Variants in PTPN9 observed in about 807,000 individuals in gnomAD.
The protein encoded by PTPN9 is tyrosine-protein phosphatase non-receptor type 9.
In PTPN9, 26 loss-of-function variants were observed where a neutral mutation model predicts 69.8. The observed-to-expected ratio is 0.37, with a 90% confidence interval of 0.27 to 0.52. The LOEUF (loss-of-function observed/expected upper bound fraction) is 0.52, where lower values mean the gene tolerates loss of function less well. PTPN9 is among the 20% of genes least tolerant of loss of function. PTPN9 has a pLI of 0.91. For missense variants in PTPN9, 549 were observed against 740.3 expected, an observed-to-expected ratio of 0.74 and a Z score of 3.00; for synonymous variants, 274 against 272.5, an observed-to-expected ratio of 1.01 and a Z score of -0.05.
Position 75,468,598 on chromosome 15 carries a change from C to A in PTPN9, c.*171G>T. On this transcript the variant is annotated 3_prime_UTR_variant, in exon 13 of 13. Coordinates refer to ENST00000618819, the MANE Select transcript of PTPN9 (RefSeq NM_002833.4). The stretch of plus-strand genomic sequence containing the variant: ...TGGCCCTTTCTAGTGGCAATTTCAC[C>A]ACATTTATCTAGCCAAAGGGAAAGG... 1 of 575,346 alleles carries A rather than the reference C, an allele frequency of 1.7e-6. No individual in the cohort carries two copies. The highest frequency in any genetic ancestry group is 2.8e-5 in the East Asian group (1 of 36,082). 35.6% of individuals were successfully genotyped at this position (575,346 alleles called of 1,614,324 possible).
rs189035833 is a variant in PTPN9 at position 75,562,269 on chromosome 15, C to T, written c.63+16445G>A. ...ATTAAATCATATAATTTCTGTCATA[C>T]GTAAATGTACATTAAACAGTGACAT... On this transcript the variant is annotated intron_variant, in intron 1 of 12. Coordinates refer to ENST00000618819, the MANE Select transcript of PTPN9 (RefSeq NM_002833.4). Among the ~76,000 whole-genome samples, 19 of 152,266 alleles carry T rather than the reference C, an allele frequency of 1.2e-4. 1 individual carries two copies. In the East Asian group the frequency reaches 3.1e-3, roughly 25 times the overall value.
At chr15:75,477,797 A>AT (rs543648807) in intron 9 of PTPN9, among the ~76,000 whole-genome samples, 1 of 132,570 alleles carries the variant, frequency 7.5e-6, no homozygotes, top group African/African-American at 2.8e-5. Flanking sequence ...TCTTCAATAG[A>AT]TTTTTTTCTC....
intron 1 of PTPN9, among the ~76,000 whole-genome samples, chr15:75,553,431 T>C (rs1250654383): frequency 6.6e-6 from 1 of 152,090 alleles, no homozygotes; most frequent in African/African-American, 2.4e-5. Flanking sequence ...TTTAAGAGGG[T>C]CACCGGCAAA....
intron 1 of PTPN9, among the ~76,000 whole-genome samples, chr15:75,535,186 C>CG (rs1487061474): frequency 2.6e-5 from 4 of 151,794 alleles, no homozygotes; most frequent in African/African-American, 9.7e-5. Flanking sequence ...TTAGTAGAGA[C>CG]GGGGTTTCAC....
chr15:75,502,303 C>T (rs1240507354), intron 7 of PTPN9, among the ~76,000 whole-genome samples: 2 of 151,880 alleles, frequency 1.3e-5, no homozygotes, highest in African/African-American at 4.8e-5. Flanking sequence ...AAAAATTAGC[C>T]AGGCATGGTG....
chr15:75,573,008 C>CAT (rs1200111143), intron 1 of PTPN9, among the ~76,000 whole-genome samples: 1 of 152,154 alleles, frequency 6.6e-6, no homozygotes, highest in Non-Finnish European at 1.5e-5. Flanking sequence ...AAACCAAACA[C>CAT]ATATATCAAT....
chr15:75,543,082 G>A (rs1373868969), intron 1 of PTPN9, among the ~76,000 whole-genome samples: 4 of 140,320 alleles, frequency 2.9e-5, no homozygotes, highest in Non-Finnish European at 6.0e-5. Context: ...TCCCACCTAT[G>A]AGTGAGAACA....
chr15:75,565,554 T>G (rs539950901), intron 1 of PTPN9, among the ~76,000 whole-genome samples: 1 of 152,260 alleles, frequency 6.6e-6, no homozygotes, highest in African/African-American at 2.4e-5. Flanking sequence ...CCCACAGTCA[T>G]GACAACTAAA....
chr15:75,552,394 G>A (rs1402195090), intron 1 of PTPN9, among the ~76,000 whole-genome samples: 1 of 151,862 alleles, frequency 6.6e-6, no homozygotes, highest in African/African-American at 2.4e-5. Context: ...GCAACAAGAG[G>A]GAAACTCCGT....
intron 7 of PTPN9, among the ~76,000 whole-genome samples, chr15:75,491,697 C>T (rs1375778447): frequency 6.6e-6 from 1 of 152,062 alleles, no homozygotes; most frequent in African/African-American, 2.4e-5. Flanking sequence ...CTAAGTGATA[C>T]TGATCAGAAA....
chr15:75,523,109 C>T lies in PTPN9; in HGVS notation c.422+12G>A. 6.2e-7 allele frequency: 1 copy of T among 1,605,736 alleles called. No individual in the cohort carries two copies. The highest frequency in any genetic ancestry group is 8.5e-7 in the Non-Finnish European group (1 of 1,178,016). On this transcript the variant is annotated intron_variant, in intron 4 of 12. Coordinates refer to ENST00000618819, the MANE Select transcript of PTPN9 (RefSeq NM_002833.4). ...GCATGTAGAATACCTAAAAAATAAT[C>T]TCAATGCTTACCTATCCACAGCTCT...
In PTPN9 at chr15:75,556,676, C is replaced by T. The variant is rs537360772; in HGVS notation, c.63+22038G>A. Among the ~76,000 whole-genome samples, 9 of 152,252 alleles carry T rather than the reference C, an allele frequency of 5.9e-5. No individual in the cohort carries two copies. In the East Asian group the frequency reaches 9.6e-4, roughly 16 times the overall value. On this transcript the variant is annotated intron_variant, in intron 1 of 12. Coordinates refer to ENST00000618819, the MANE Select transcript of PTPN9 (RefSeq NM_002833.4). Reference sequence around the variant, plus strand: ...TCAGGTGTGAGCCACCACACCTGGCCGCATTTTCTTTATTGTGGTAAAATA... The same window carrying T: ...TCAGGTGTGAGCCACCACACCTGGCTGCATTTTCTTTATTGTGGTAAAATA...
At chr15:75,500,534 TCAA>T (rs1411477444) in intron 7 of PTPN9, among the ~76,000 whole-genome samples, 1 of 151,986 alleles carries the variant, frequency 6.6e-6, no homozygotes, top group Non-Finnish European at 1.5e-5. Flanking sequence ...TGAGACTGTC[TCAA>T]CAACAACAAA....
At chr15:75,495,890 T>A (rs2074738177) in intron 7 of PTPN9, among the ~76,000 whole-genome samples, 1 of 151,944 alleles carries the variant, frequency 6.6e-6, no homozygotes, top group African/African-American at 2.4e-5. Flanking sequence ...GTAATCCCAG[T>A]ATTTTGGGAG....
rs551001799 is a variant in PTPN9 at position 75,483,693 on chromosome 15, A to G, written c.1063-3779T>C. ...TATATACTTTAAATAGGTAAATTGT[A>G]TGGTATGTGAACTGTTGGAGGCCGA... On this transcript the variant is annotated intron_variant, in intron 8 of 12. Transcript: ENST00000618819. Among the ~76,000 whole-genome samples the G allele has an allele frequency of 6.8e-4, 103 of 152,332 alleles. 2 individuals are homozygous for G. The South Asian group carries it at 0.012, about 17-fold the overall frequency.
intron 5 of PTPN9, among the ~76,000 whole-genome samples, chr15:75,510,178 T>A (rs941395802): frequency 6.6e-6 from 1 of 152,178 alleles, no homozygotes; most frequent in African/African-American, 2.4e-5. Context: ...ACACAAGATA[T>A]AAAGATGAAA....
At chr15:75,485,094 C>G (rs1212700075) in intron 8 of PTPN9, among the ~76,000 whole-genome samples, 1 of 152,166 alleles carries the variant, frequency 6.6e-6, no homozygotes, top group African/African-American at 2.4e-5. Context: ...GACAACTTCA[C>G]TGAGCTAATA....
chr15:75,531,101 A>T (rs2074962288), intron 1 of PTPN9, among the ~76,000 whole-genome samples: 1 of 151,200 alleles, frequency 6.6e-6, no homozygotes, highest in South Asian at 2.1e-4. Context: ...GAGAGTCAGC[A>T]ATACCTCATA....
intron 9 of PTPN9, 64 bp downstream of exon 9, chr15:75,479,784 A>G (rs1279589409): frequency 1.5e-6 from 2 of 1,364,962 alleles, no homozygotes; most frequent in Non-Finnish European, 2.0e-6. Context: ...TTATGCTATC[A>G]TTTGGCACAA....
Sources: gnomAD v4.1 joint callset for allele counts (sites outside exome capture counted in the v4.1 genomes callset) on GRCh38, gnomAD v4.1.1 for gene constraint, MANE v1.5 for transcripts, NCBI Gene and HGNC (gene_info 2026-07-23, HGNC 2026-07-21) for gene names.